Variants in BMPR1B observed in about 807,000 individuals in gnomAD.
The protein encoded by BMPR1B is bone morphogenetic protein receptor type 1B.
Under a neutral mutation model 59.1 loss-of-function variants are expected in BMPR1B, and 12 were observed. The ratio of observed to expected loss-of-function variants is 0.20; its 90% CI spans 0.13 to 0.33. The LOEUF (loss-of-function observed/expected upper bound fraction) is 0.33, where lower values mean the gene tolerates loss of function less well. Ranked by LOEUF, BMPR1B falls within the 10% of genes least tolerant of loss-of-function variation. The probability of loss-of-function intolerance (pLI) is 1.00; values close to 1 mark genes in which losing one functional copy is unlikely to be tolerated. For missense variants in BMPR1B, 550 were observed against 610.9 expected (o/e 0.90, Z 1.05); for synonymous variants, 237 against 207.3 (o/e 1.14, Z -1.23).
chr4:94,802,605 A>G (rs72885860), intron 1 of BMPR1B, among the ~76,000 whole-genome samples: 7,179 of 152,230 alleles, frequency 0.047, 432 homozygotes, highest in East Asian at 0.16. Context: ...TACCATATGG[A>G]GTATCTTAGT....
rs1553924291 is a variant in BMPR1B at position 94,987,047 on chromosome 4, A to AT, written c.-112-8993_-112-8992insT. On this transcript the variant is annotated intron_variant, in intron 2 of 12. Coordinates refer to ENST00000515059, the MANE Select transcript of BMPR1B (RefSeq NM_001203.3). ...CAGAGCCAGACTCTGTCTCAAAAAA[A>AT]ATATATATATATATAATATATAATA... 1.5e-3 allele frequency among the ~76,000 whole-genome samples: 37 copies of AT among 24,952 alleles called. No individual in the cohort carries two copies. The South Asian group carries it at 0.042, about 28-fold the overall frequency. 16.4% of individuals were successfully genotyped at this position (24,952 alleles called of 152,430 possible).
At chr4:94,835,441 A>G (rs1724768309) in intron 1 of BMPR1B, among the ~76,000 whole-genome samples, 1 of 152,118 alleles carries the variant, frequency 6.6e-6, no homozygotes, top group South Asian at 2.1e-4. Context: ...ATATGCTAGC[A>G]TTTTGTCTGA....
chr4:94,979,328 C>T (rs891037560), intron 2 of BMPR1B, among the ~76,000 whole-genome samples: 1 of 152,138 alleles, frequency 6.6e-6, no homozygotes, highest in African/African-American at 2.4e-5. Flanking sequence ...TGTTGACAGA[C>T]ACAGAATCTT....
At chr4:94,988,063 C>T (rs907519600) in intron 2 of BMPR1B, among the ~76,000 whole-genome samples, 3 of 152,006 alleles carry the variant, frequency 2.0e-5, no homozygotes, top group Non-Finnish European at 4.4e-5. Context: ...AGGATTAATT[C>T]CTTACCTGTA....
At chr4:95,132,783 T>C (rs1265075769) in intron 10 of BMPR1B, among the ~76,000 whole-genome samples, 6 of 152,170 alleles carry the variant, frequency 3.9e-5, no homozygotes, top group African/African-American at 1.4e-4. Flanking sequence ...AATTTGTTAA[T>C]AGTCTTGTAA....
At chr4:95,092,992 T>G (rs1380201549) in intron 3 of BMPR1B, among the ~76,000 whole-genome samples, 1 of 152,174 alleles carries the variant, frequency 6.6e-6, no homozygotes. Context: ...CAAGTTCTAG[T>G]TGACTCTGAC....
At chr4:95,060,844 T>C (rs1181004114) in intron 3 of BMPR1B, among the ~76,000 whole-genome samples, 1 of 152,198 alleles carries the variant, frequency 6.6e-6, no homozygotes, top group Non-Finnish European at 1.5e-5. Context: ...AACTCTTTCC[T>C]GCTTCTGCTG....
chr4:94,970,524 A>G (rs1730749487), intron 2 of BMPR1B, among the ~76,000 whole-genome samples: 1 of 152,064 alleles, frequency 6.6e-6, no homozygotes, highest in Admixed American at 6.5e-5. Flanking sequence ...CTGTTGTCAG[A>G]CTGGTCAAGA....
chr4:95,034,212 A>G (rs1401653658), intron 3 of BMPR1B, among the ~76,000 whole-genome samples: 4 of 152,116 alleles, frequency 2.6e-5, no homozygotes, highest in Non-Finnish European at 5.9e-5. Flanking sequence ...ATACACACTT[A>G]GTTTTTTATT....
chr4:94,821,272 T>G (rs1444235600), intron 1 of BMPR1B, among the ~76,000 whole-genome samples: 1 of 152,296 alleles, frequency 6.6e-6, no homozygotes, highest in East Asian at 1.9e-4. Flanking sequence ...ATTGAAAACA[T>G]GTATTTGGTA....
At chr4:94,846,750 T>A (rs181322494) in intron 1 of BMPR1B, among the ~76,000 whole-genome samples, 10 of 152,140 alleles carry the variant, frequency 6.6e-5, no homozygotes, top group Admixed American at 2.6e-4. Flanking sequence ...TCCATTCCAT[T>A]AGTTCTGTCC....
intron 11 of BMPR1B, among the ~76,000 whole-genome samples, chr4:95,150,203 C>A (rs992532585): frequency 6.6e-5 from 10 of 152,008 alleles, no homozygotes; most frequent in African/African-American, 2.4e-4. Context: ...CTATTTTGTG[C>A]AAAAGGAAAG....
chr4:95,140,793 G>A (rs1236818761), intron 10 of BMPR1B, among the ~76,000 whole-genome samples: 1 of 152,034 alleles, frequency 6.6e-6, no homozygotes, highest in Non-Finnish European at 1.5e-5. Context: ...AATAAATGTA[G>A]GCAATAGCAA....
rs960763319 is a variant in BMPR1B at position 95,103,015 on chromosome 4, ATTTTT to A, written c.-17-1387_-17-1383del. On this transcript the variant is annotated intron_variant, in intron 3 of 12. Transcript: ENST00000515059. ...GCCACAGGTGCCCACTGCAATCAAC[ATTTTT>A]TTTTTCTGGACAAAATTTACAGGAA... Among the ~76,000 whole-genome samples, 7 of 149,422 alleles carry A rather than the reference ATTTTT, an allele frequency of 4.7e-5. No individual in the cohort carries two copies. The East Asian group carries it at 1.4e-3, about 29-fold the overall frequency.
chr4:94,868,859 T>A (rs1190177114), intron 1 of BMPR1B, among the ~76,000 whole-genome samples: 1 of 152,194 alleles, frequency 6.6e-6, no homozygotes, highest in South Asian at 2.1e-4. Context: ...TTTGGTAGAC[T>A]ACAGCATGAA....
chr4:94,953,220 C>T (rs1730015024), intron 2 of BMPR1B, among the ~76,000 whole-genome samples: 1 of 152,070 alleles, frequency 6.6e-6, no homozygotes, highest in East Asian at 1.9e-4. Flanking sequence ...ATCCAATTTG[C>T]CAGTGTGTGC....
chr4:94,763,251 C>T (rs1721846488), intron 1 of BMPR1B, among the ~76,000 whole-genome samples: 1 of 152,214 alleles, frequency 6.6e-6, no homozygotes, highest in South Asian at 2.1e-4. Context: ...TCATTTTCCT[C>T]TAACCCTCAG....
chr4:94,865,328 TTAATC>T (rs147006577), intron 1 of BMPR1B, among the ~76,000 whole-genome samples: 5,719 of 152,136 alleles, frequency 0.038, 348 homozygotes, highest in African/African-American at 0.13. Context: ...AATGTATACT[TTAATC>T]TATTAAATAT....
chr4:95,040,729 T>C (rs979230719), intron 3 of BMPR1B, among the ~76,000 whole-genome samples: 1 of 152,196 alleles, frequency 6.6e-6, no homozygotes, highest in Non-Finnish European at 1.5e-5. Context: ...TATCTGTTGT[T>C]ATCTAAAAAT....
Sources: allele counts gnomAD v4.1 joint callset (sites outside exome capture counted in the v4.1 genomes callset), GRCh38; gene constraint gnomAD v4.1.1; transcripts MANE v1.5; gene names NCBI Gene and HGNC (gene_info 2026-07-23, HGNC 2026-07-21).